The following CELF5 variants were observed in gnomAD, a reference collection of about 807,000 sequenced individuals.
CELF5 encodes CUGBP Elav-like family member 5, also known as CUG-BP and ETR-3 like factor 5.
CELF5 carries 6 observed loss-of-function variants against 54.9 expected under a neutral mutation model. That is an observed-to-expected ratio of 0.11 (90% CI 0.06 to 0.22). CELF5 has a LOEUF of 0.22. CELF5 is among the 10% of genes least tolerant of loss of function. The pLI, the probability that CELF5 is intolerant of heterozygous loss-of-function variation, is 1.00. For missense variants in CELF5, 401 were observed against 678.6 expected (o/e 0.59, Z 4.54); for synonymous variants, 271 against 290.9 (o/e 0.93, Z 0.70).
intron 1 of CELF5, among the ~76,000 whole-genome samples, chr19:3,234,893 G>A (rs1372356926): frequency 6.6e-6 from 1 of 151,554 alleles, no homozygotes; most frequent in Non-Finnish European, 1.5e-5. Context: ...CCACCTTCGC[G>A]CCCCACAGTC....
At position 3,284,921 on chromosome 19, in the gene CELF5, C is replaced by G. The variant is rs2080210893; in HGVS notation, c.1059C>G (p.Ala353=). Residue 353 remains alanine (A), a synonymous_variant, in exon 9 of 13, where the codon GCC becomes GCG. Coordinates refer to ENST00000292672, the MANE Select transcript of CELF5 (RefSeq NM_021938.4). ...CCGCAGCTCAGAGCCCGACTGTGGC[C>G]GAGACACTGCATCCTGCCTTCTCCG... is the stretch of plus-strand genomic sequence containing the variant. ...VPYPAQSPTV[A]ETLHPAFSGV... is the part of the protein sequence containing the mutation. 1.2e-6 allele frequency: 2 copies of G among 1,613,016 alleles called. No homozygotes were observed. Among genetic ancestry groups the G allele is most frequent in the South Asian group, 2.2e-5 (2 of 90,986 alleles).
Position 3,266,981 on chromosome 19 carries a change from G to A in CELF5, c.343-6891G>A, listed in dbSNP as rs191889199. On this transcript the variant is annotated intron_variant, in intron 2 of 12. Coordinates refer to ENST00000292672, the MANE Select transcript of CELF5 (RefSeq NM_021938.4). ...ACGCCCGCACGAGCACAGCCTGGGA[G>A]TCGGGGAGGAGCTGGGTCACGTGAG... Among the ~76,000 whole-genome samples, 137 of 152,320 alleles carry A rather than the reference G, an allele frequency of 9.0e-4. 1 individual carries two copies. The highest frequency in any genetic ancestry group is 3.2e-3 in the African/African-American group (132 of 41,568).
At position 3,281,587 on chromosome 19, in the gene CELF5, C is replaced by A. The variant is rs1206346204; in HGVS notation, c.750+242C>A. Among the ~76,000 whole-genome samples, 1 of 152,176 alleles carries A rather than the reference C, an allele frequency of 6.6e-6. No individual in the cohort carries two copies. The highest frequency in any genetic ancestry group is 2.4e-5 in the African/African-American group (1 of 41,440). On this transcript the variant is annotated intron_variant, in intron 6 of 12. Coordinates refer to ENST00000292672, the MANE Select transcript of CELF5 (RefSeq NM_021938.4). This position sits in a 1 kb window ranked among gnomAD's most constrained non-coding sequence, Gnocchi z 6.5. ...AGCCCCAGAACCTGGCTATGCTCCA[C>A]GTCTAAATTAGGCCCAATTCTGGCT...
At chr19:3,253,353 G>A (rs1233643451) in intron 2 of CELF5, among the ~76,000 whole-genome samples, 2 of 152,190 alleles carry the variant, frequency 1.3e-5, no homozygotes, top group Non-Finnish European at 2.9e-5. Flanking sequence ...CTGGCTCAGG[G>A]AGGTTACAGT....
At chr19:3,226,727 G>A (rs1916941710) in intron 1 of CELF5, among the ~76,000 whole-genome samples, 1 of 152,000 alleles carries the variant, frequency 6.6e-6, no homozygotes, top group African/African-American at 2.4e-5. Flanking sequence ...GAGACAGGTG[G>A]GGGTGCAGGG....
chr19:3,269,732 A>G (rs1286210640), intron 2 of CELF5, among the ~76,000 whole-genome samples: 2 of 152,034 alleles, frequency 1.3e-5, no homozygotes, highest in Non-Finnish European at 2.9e-5. Context: ...GGTTGGAGGG[A>G]TGTCTAGGTC....
At chr19:3,226,440 T>TCACACACA (rs71164666) in intron 1 of CELF5, among the ~76,000 whole-genome samples, 3,622 of 118,922 alleles carry the variant, frequency 0.03, 103 homozygotes, top group East Asian at 0.087. Context: ...AAACCAACCA[T>TCACACACA]CACACACACA....
chr19:3,270,044 T>C (rs2079935804), intron 2 of CELF5, among the ~76,000 whole-genome samples: 1 of 152,162 alleles, frequency 6.6e-6, no homozygotes. Flanking sequence ...CTCCGACTCC[T>C]ACTCCAAAAT....
intron 2 of CELF5, among the ~76,000 whole-genome samples, chr19:3,257,498 C>T (rs1018302847): frequency 1.3e-5 from 2 of 151,500 alleles, no homozygotes; most frequent in East Asian, 1.9e-4. Flanking sequence ...TTTTTGAGAC[C>T]GAGTTTCACT....
At chr19:3,291,995 G>T (rs1199133875) in intron 11 of CELF5, among the ~76,000 whole-genome samples, 1 of 152,064 alleles carries the variant, frequency 6.6e-6, no homozygotes, top group Non-Finnish European at 1.5e-5. Flanking sequence ...TGCCCAGGCT[G>T]GAGTGCAATT....
At chr19:3,267,783 C>A (rs771721129) in intron 2 of CELF5, among the ~76,000 whole-genome samples, 35 of 145,956 alleles carry the variant, frequency 2.4e-4, no homozygotes, top group Non-Finnish European at 4.5e-4. Flanking sequence ...TAATGCTGCC[C>A]TCCTGAAACC....
rs2145205859 is a variant in CELF5, at chr19:3,268,525, G to T, written c.343-5347G>T. On this transcript the variant is annotated intron_variant, in intron 2 of 12. Coordinates refer to ENST00000292672, the MANE Select transcript of CELF5 (RefSeq NM_021938.4). This position sits in a 1 kb window ranked among gnomAD's most constrained non-coding sequence, Gnocchi z 4.4. Reference sequence around the variant, plus strand: ...CACTGCCTGGCACCAGCTCTTGGGTGACTTCCCGTGCCAGGCACTGTGCCC... The same window carrying T: ...CACTGCCTGGCACCAGCTCTTGGGTTACTTCCCGTGCCAGGCACTGTGCCC... 6.6e-6 allele frequency among the ~76,000 whole-genome samples: 1 copy of T among 152,352 alleles called. No individual in the cohort carries two copies. Among genetic ancestry groups the T allele is most frequent in the South Asian group, 2.1e-4 (1 of 4,826 alleles).
chr19:3,273,396 C>T (rs1450588265), intron 2 of CELF5, among the ~76,000 whole-genome samples: 1 of 151,896 alleles, frequency 6.6e-6, no homozygotes, highest in Non-Finnish European at 1.5e-5. Flanking sequence ...CCTCCTGGGC[C>T]TATCCACCTG....
At chr19:3,245,811 A>G (rs1427048879) in intron 1 of CELF5, among the ~76,000 whole-genome samples, 2 of 152,292 alleles carry the variant, frequency 1.3e-5, no homozygotes, top group East Asian at 3.9e-4. Context: ...GAGCTCCCCC[A>G]AAGTGACAAG....
intron 1 of CELF5, 141 bp downstream of exon 1, chr19:3,225,139 C>T (rs1916818073): frequency 5.9e-6 from 3 of 506,110 alleles, no homozygotes; most frequent in South Asian, 5.1e-5. Flanking sequence ...GGTTCTTACC[C>T]CCTCCCTCCC....
chr19:3,289,148 G>T (rs760038306), intron 10 of CELF5, among the ~76,000 whole-genome samples: 18 of 152,154 alleles, frequency 1.2e-4, no homozygotes, highest in Non-Finnish European at 1.5e-4. Context: ...GGGGACCAGA[G>T]AATTATCTTT....
chr19:3,275,911 G>C lies in CELF5; in HGVS notation c.450G>C (p.Val150=), dbSNP rs1235344023. The change falls in exon 4 of 13, where the codon GTG becomes GTC. Residue 150 remains valine, a synonymous_variant. Transcript: ENST00000292672. This position sits in a 1 kb window ranked among gnomAD's most constrained non-coding sequence, Gnocchi z 6.7. ...MLNKQQSEED[V]LRLFQPFGVI... ...ACAAGCAGCAGTCGGAGGAGGACGTGCTGCGGCTGTTCCAGCCCTTCGGGG... is the reference window on the plus strand; with the variant it reads ...ACAAGCAGCAGTCGGAGGAGGACGTCCTGCGGCTGTTCCAGCCCTTCGGGG... The C allele has an allele frequency of 1.2e-6, 2 of 1,612,500 alleles. No individual in the cohort carries two copies. Among genetic ancestry groups the C allele is most frequent in the East Asian group, 4.5e-5 (2 of 44,776 alleles).
chr19:3,288,491 CAG>C lies in CELF5; in HGVS notation c.1187-1739_1187-1738del, dbSNP rs2080289851. On this transcript the variant is annotated intron_variant, in intron 10 of 12. Coordinates refer to ENST00000292672, the MANE Select transcript of CELF5 (RefSeq NM_021938.4). ...GAGCCAAGATCACGCCATTGCACTC[CAG>C]CCTGGGCAACAAAAGCAAAACTCCA... Among the ~76,000 whole-genome samples, 3 of 152,136 alleles carry C rather than the reference CAG, an allele frequency of 2.0e-5. No individual in the cohort carries two copies. The South Asian group carries it at 6.2e-4, about 32-fold the overall frequency.
At chr19:3,288,290 G>C (rs1314332448) in intron 10 of CELF5, among the ~76,000 whole-genome samples, 1 of 152,098 alleles carries the variant, frequency 6.6e-6, no homozygotes, top group Non-Finnish European at 1.5e-5. Context: ...GGGAGGCTGA[G>C]GTGGGCAGAT....
Sources: gnomAD v4.1 joint callset for allele counts (sites outside exome capture counted in the v4.1 genomes callset) on GRCh38, gnomAD v4.1.1 for gene constraint, Gnocchi (gnomAD v3.1) non-coding constraint, MANE v1.5 for transcripts, NCBI Gene and HGNC (gene_info 2026-07-23, HGNC 2026-07-21) for gene names.